KCND2: variants seen among roughly 807,000 people sequenced by gnomAD.
KCND2 encodes A-type voltage-gated potassium channel KCND2.
A neutral mutation model predicts 54.4 loss-of-function variants in KCND2; 16 were observed. The observed-to-expected ratio is 0.29, with a 90% confidence interval of 0.20 to 0.45. The LOEUF is 0.45. Among genes scored for constraint, KCND2 ranks in the 20% least tolerant of loss-of-function variants. The probability of loss-of-function intolerance (pLI) is 1.00; values close to 1 mark genes in which losing one functional copy is unlikely to be tolerated. For missense variants in KCND2, 486 were observed against 824.2 expected (o/e 0.59, Z 5.02); for synonymous variants, 317 against 310.7 (o/e 1.02, Z -0.21).
At chr7:120,444,029 T>C (rs2116201254) in intron 1 of KCND2, among the ~76,000 whole-genome samples, 1 of 152,202 alleles carries the variant, frequency 6.6e-6, no homozygotes, top group South Asian at 2.1e-4. Context: ...GCATGAAATG[T>C]CACTCCCTCA....
chr7:120,310,529 G>A (rs938916141), intron 1 of KCND2, among the ~76,000 whole-genome samples: 3 of 152,082 alleles, frequency 2.0e-5, no homozygotes, highest in African/African-American at 7.2e-5. Flanking sequence ...TCAGAAGATT[G>A]AGTCTGTTTC....
intron 1 of KCND2, among the ~76,000 whole-genome samples, chr7:120,300,986 T>C (rs1033714413): frequency 1.3e-5 from 2 of 152,074 alleles, no homozygotes; most frequent in Non-Finnish European, 2.9e-5. Context: ...CCCACAAAGG[T>C]AAAAGTCCTC....
chr7:120,395,970 G>A (rs1324206320), intron 1 of KCND2, among the ~76,000 whole-genome samples: 1 of 151,872 alleles, frequency 6.6e-6, no homozygotes, highest in Non-Finnish European at 1.5e-5. Flanking sequence ...GTTTTACCTG[G>A]GACTTTACCT....
intron 1 of KCND2, among the ~76,000 whole-genome samples, chr7:120,309,101 A>G (rs1799689713): frequency 6.6e-6 from 1 of 152,150 alleles, no homozygotes; most frequent in Admixed American, 6.6e-5. Context: ...AAAACAGGAC[A>G]CCAAAGGCTC....
At chr7:120,284,274 AACACACACACACATGCACAC>A (rs1382595160) in intron 1 of KCND2, among the ~76,000 whole-genome samples, 1 of 151,572 alleles carries the variant, frequency 6.6e-6, no homozygotes, top group African/African-American at 2.4e-5. Flanking sequence ...CATGGGGGCT[AACACACACACACATGCACAC>A]GCACACACAC....
At chr7:120,675,978 C>G (rs1792056358) in intron 1 of KCND2, among the ~76,000 whole-genome samples, 1 of 151,764 alleles carries the variant, frequency 6.6e-6, no homozygotes, top group African/African-American at 2.4e-5. Context: ...ATGCCTCAGC[C>G]TCCCTCACGC....
intron 1 of KCND2, among the ~76,000 whole-genome samples, chr7:120,429,433 A>G (rs1801760080): frequency 6.6e-6 from 1 of 151,268 alleles, no homozygotes; most frequent in Admixed American, 6.6e-5. Context: ...TTATGACCAA[A>G]CGGAAGTTAC....
intron 1 of KCND2, among the ~76,000 whole-genome samples, chr7:120,486,747 T>C (rs1337333158): frequency 6.6e-6 from 1 of 151,738 alleles, no homozygotes; most frequent in Non-Finnish European, 1.5e-5. Context: ...GTTACAGTAA[T>C]TGAGACAATG....
intron 1 of KCND2, among the ~76,000 whole-genome samples, chr7:120,629,221 C>T (rs1024302744): frequency 3.3e-5 from 5 of 152,234 alleles, no homozygotes; most frequent in Non-Finnish European, 7.3e-5. Flanking sequence ...GGCACAGTGG[C>T]TCACGCCTGT....
intron 1 of KCND2, among the ~76,000 whole-genome samples, chr7:120,590,543 G>C (rs905649310): frequency 3.9e-5 from 6 of 152,074 alleles, no homozygotes; most frequent in Non-Finnish European, 5.9e-5. Context: ...AAATGTCACT[G>C]GATTTTCAGA....
At chr7:120,326,437 T>A (rs1177725895) in intron 1 of KCND2, among the ~76,000 whole-genome samples, 1 of 152,116 alleles carries the variant, frequency 6.6e-6, no homozygotes, top group Non-Finnish European at 1.5e-5. Context: ...CATAATAATC[T>A]ATTTTTAAGT....
At chr7:120,305,041 A>G (rs1014483056) in intron 1 of KCND2, among the ~76,000 whole-genome samples, 3 of 152,182 alleles carry the variant, frequency 2.0e-5, no homozygotes, top group Non-Finnish European at 4.4e-5. Flanking sequence ...TCATGCTTCA[A>G]ATCCAGACAC....
At chr7:120,686,367 C>T (rs775907704) in intron 1 of KCND2, among the ~76,000 whole-genome samples, 7 of 152,166 alleles carry the variant, frequency 4.6e-5, no homozygotes, top group Non-Finnish European at 1.0e-4. Context: ...CCATTTTCCA[C>T]CCCCACGAAC....
intron 1 of KCND2, among the ~76,000 whole-genome samples, chr7:120,513,973 C>A (rs1162015950): frequency 6.6e-6 from 1 of 152,106 alleles, no homozygotes; most frequent in East Asian, 1.9e-4. Context: ...CAATTTAAAC[C>A]CACTAATGAG....
intron 1 of KCND2, among the ~76,000 whole-genome samples, chr7:120,722,275 G>T (rs1340620016): frequency 6.6e-6 from 1 of 152,174 alleles, no homozygotes; most frequent in Non-Finnish European, 1.5e-5. Context: ...GGAGTGGTCA[G>T]TTGAGTGAGA....
chr7:120,632,694 C>A (rs1793252702), intron 1 of KCND2, among the ~76,000 whole-genome samples: 2 of 152,100 alleles, frequency 1.3e-5, no homozygotes, highest in Non-Finnish European at 2.9e-5. Context: ...CCCACTAAAT[C>A]CTCACAGCAC....
chr7:120,330,151 G>A (rs1047169632), intron 1 of KCND2, among the ~76,000 whole-genome samples: 3 of 152,016 alleles, frequency 2.0e-5, no homozygotes, highest in Non-Finnish European at 4.4e-5. Context: ...TGAACCTTAG[G>A]TAAGCTTCTT....
At chr7:120,376,448 A>G (rs976010944) in intron 1 of KCND2, among the ~76,000 whole-genome samples, 5 of 151,218 alleles carry the variant, frequency 3.3e-5, no homozygotes, top group African/African-American at 4.8e-5. Flanking sequence ...CTATTGTTAC[A>G]GTTTTTAAAA....
At chr7:120,577,593 T>G (rs1014265805) in intron 1 of KCND2, among the ~76,000 whole-genome samples, 2 of 152,126 alleles carry the variant, frequency 1.3e-5, no homozygotes, top group South Asian at 2.1e-4. Flanking sequence ...TTTTTGGTTT[T>G]GTTTTGTTTA....
Sources: gnomAD v4.1 joint callset for allele counts (sites outside exome capture counted in the v4.1 genomes callset) on GRCh38, gnomAD v4.1.1 for gene constraint, MANE v1.5 for transcripts, NCBI Gene and HGNC (gene_info 2026-07-23, HGNC 2026-07-21) for gene names.